Variants in AGO4 observed in about 807,000 individuals in gnomAD.
AGO4 encodes argonaute RISC component 4, also known as protein argonaute-4.
AGO4 carries 33 observed loss-of-function variants against 104.7 expected under a neutral mutation model. The ratio of observed to expected loss-of-function variants is 0.32; its 90% CI spans 0.24 to 0.42. The LOEUF is 0.42. Among genes scored for constraint, AGO4 ranks in the 10% least tolerant of loss-of-function variants. The pLI is 1.00. For synonymous variants in AGO4, 331 were observed against 364.7 expected (o/e 0.91, Z 1.05); for missense variants, 711 against 1,083.4 (o/e 0.66, Z 4.83).
At position 35,824,180 on chromosome 1, in the gene AGO4, C is replaced by T. The variant is rs191809264; in HGVS notation, c.307-1133C>T. ...GAAAAGTACTGTGTGAACATATGCT[C>T]ATAATAAATTTATCCAGACAATCTA... On this transcript the variant is annotated intron_variant, in intron 3 of 17. Transcript: ENST00000373210. Among the ~76,000 whole-genome samples the T allele has an allele frequency of 1.3e-3, 195 of 152,130 alleles. 2 individuals are homozygous for T. The highest frequency in any genetic ancestry group is 3.4e-3 in the Middle Eastern group (1 of 294).
chr1:35,822,790 A>G (rs1643914997), intron 2 of AGO4, 72 bp from the exon 3 acceptor site: 2 of 1,574,112 alleles, frequency 1.3e-6, no homozygotes, highest in Non-Finnish European at 1.7e-6. Context: ...TAAATGATTA[A>G]AGTATGATGA....
chr1:35,849,930 G>A (rs1005896691), intron 15 of AGO4, among the ~76,000 whole-genome samples: 3 of 151,906 alleles, frequency 2.0e-5, no homozygotes, highest in Admixed American at 6.6e-5. Flanking sequence ...ATTTTTGTCC[G>A]TATCCTCCTG....
At position 35,836,087 on chromosome 1, in the gene AGO4, C is replaced by A. The variant is rs1644306858; in HGVS notation, c.1724+94C>A. 8.1e-6 allele frequency: 11 copies of A among 1,352,030 alleles called. No individual in the cohort carries two copies. In the South Asian group the frequency reaches 1.4e-4, roughly 17 times the overall value. 83.8% of individuals were successfully genotyped at this position (1,352,030 alleles called of 1,614,324 possible). ...AAATATTATATATGCATCTAGATTACCTTTTCTCTTGTATATATATGCACC... is the reference window on the plus strand; with the variant it reads ...AAATATTATATATGCATCTAGATTAACTTTTCTCTTGTATATATATGCACC... On this transcript the variant is annotated intron_variant, in intron 13 of 17. Coordinates refer to ENST00000373210, the MANE Select transcript of AGO4 (RefSeq NM_017629.4).
At chr1:35,819,939 A>T (rs1643855294) in intron 2 of AGO4, among the ~76,000 whole-genome samples, 1 of 152,048 alleles carries the variant, frequency 6.6e-6, no homozygotes, top group African/African-American at 2.4e-5. Context: ...GTTGAAAGTG[A>T]GTGTGTGTGG....
In AGO4 at chr1:35,841,511, G is replaced by A. The variant is rs1644442162; in HGVS notation, c.2040+31G>A. ...CTCATTATCCCTGTTGCCCTTCGGG[G>A]CCCCTAGGAGTCTGAGGGAGATTCC... On this transcript the variant is annotated intron_variant, in intron 14 of 17. Transcript: ENST00000373210. This position sits in a 1 kb window ranked among gnomAD's most constrained non-coding sequence, Gnocchi z 4.7. The A allele has an allele frequency of 6.2e-7, 1 of 1,608,230 alleles. No homozygotes were observed. Among genetic ancestry groups the A allele is most frequent in the African/African-American group, 1.3e-5 (1 of 74,814 alleles).
At chr1:35,843,233 T>C (rs1644491953) in intron 15 of AGO4, among the ~76,000 whole-genome samples, 2 of 152,114 alleles carry the variant, frequency 1.3e-5, no homozygotes, top group African/African-American at 4.8e-5. Context: ...GCCCAGCTAA[T>C]TTTTGTATAT....
rs754274480 is a variant in AGO4 at position 35,857,316 on chromosome 1, A to C, written c.*3711A>C. On this transcript the variant is annotated 3_prime_UTR_variant, in exon 18 of 18. Transcript: ENST00000373210. ...CAAGAAGTTTTCCTTGTAAAATTAA[A>C]GGAAAGATCTTGTTATTGATTAACC... The C allele has an allele frequency of 1.3e-5, 2 of 152,242 alleles. No homozygotes were observed. The highest frequency in any genetic ancestry group is 2.9e-5 in the Non-Finnish European group (2 of 68,038). The allele number at this position is 152,242 out of a possible 1,614,324, so 9.4% of individuals were successfully genotyped here. A position where few individuals can be genotyped will look rare whatever the true frequency, so the allele number is the denominator to read the frequency against.
chr1:35,826,627 C>G, intron 6 of AGO4, 121 bp from the exon 7 acceptor site: 1 of 874,696 alleles, frequency 1.1e-6, no homozygotes, highest in Non-Finnish European at 1.8e-6. Context: ...TGAAATTGTC[C>G]CCATATTCTT....
intron 2 of AGO4, among the ~76,000 whole-genome samples, chr1:35,817,785 A>G (rs1465230707): frequency 6.6e-6 from 1 of 152,122 alleles, no homozygotes; most frequent in Non-Finnish European, 1.5e-5. Flanking sequence ...CTCATTATGG[A>G]TCAAAATTTG....
chr1:35,821,368 G>C (rs1347118920), intron 2 of AGO4, among the ~76,000 whole-genome samples: 14 of 152,162 alleles, frequency 9.2e-5, no homozygotes, highest in Admixed American at 9.2e-4. Flanking sequence ...AAATGTGTTA[G>C]CTAGTTGTGA....
At chr1:35,835,269 C>A (rs2148671643) in intron 12 of AGO4, among the ~76,000 whole-genome samples, 1 of 152,002 alleles carries the variant, frequency 6.6e-6, no homozygotes, top group African/African-American at 2.4e-5. Flanking sequence ...GTTGGCCAGG[C>A]TGGTTTTGAA....
Position 35,850,900 on chromosome 1 carries a change from G to A in AGO4, c.2324G>A (p.Cys775Tyr), listed in dbSNP as rs1221978397. Residue 775 changes from cysteine to tyrosine, a missense_variant, in exon 17 of 18, where the codon TGC becomes TAC. By Grantham distance (194) the Cys-to-Tyr change is radical. Coordinates refer to ENST00000373210, the MANE Select transcript of AGO4 (RefSeq NM_017629.4). Reference sequence around the variant, plus strand: ...TACCAGGTCTTGTGGGATGACAACTGCTTCACTGCAGATGAACTCCAGCTA... The same window carrying A: ...TACCAGGTCTTGTGGGATGACAACTACTTCACTGCAGATGAACTCCAGCTA... The part of the protein sequence containing the change: ...SHYQVLWDDN[C>Y]FTADELQLLT... 1 of 1,612,774 alleles carries A rather than the reference G, an allele frequency of 6.2e-7. No homozygotes were observed. Among genetic ancestry groups the A allele is most frequent in the South Asian group, 1.1e-5 (1 of 91,046 alleles).
In AGO4 at chr1:35,855,965, A is replaced by G. The variant is rs148747333; in HGVS notation, c.*2360A>G. ...ACGCACAGAAGAAGCATCACTTCTC[A>G]CCATCTCCTGGCATGTATGGAGCAG... On this transcript the variant is annotated 3_prime_UTR_variant, in exon 18 of 18. Transcript: ENST00000373210. 7 of 152,318 alleles carry G rather than the reference A, an allele frequency of 4.6e-5. No individual in the cohort carries two copies. Among genetic ancestry groups the G allele is most frequent in the Admixed American group, 1.3e-4 (2 of 15,304 alleles). 9.4% of individuals were successfully genotyped at this position (152,318 alleles called of 1,614,324 possible). A position where few individuals can be genotyped will look rare whatever the true frequency, so the allele number is the denominator to read the frequency against.
At position 35,841,811 on chromosome 1, in the gene AGO4, C is replaced by CATATATATATATATAT. The variant is rs5773512; in HGVS notation, c.2175+73_2175+88dup. The CATATATATATATATAT allele has an allele frequency of 2.8e-3, 1,676 of 606,110 alleles. 18 individuals carry two copies. Among genetic ancestry groups the CATATATATATATATAT allele is most frequent in the African/African-American group, 5.4e-3 (267 of 49,598 alleles). 37.5% of individuals were successfully genotyped at this position (606,110 alleles called of 1,614,324 possible). On this transcript the variant is annotated intron_variant, in intron 15 of 17. Transcript: ENST00000373210. The surrounding 1 kb of genome is among the most constrained non-coding windows in gnomAD (Gnocchi z 4.7). ...CTCTGGCAAGAGATGTATATATGCA[C>CATATATATATATATAT]ATATATATATATATATATATATATA...
intron 13 of AGO4, among the ~76,000 whole-genome samples, chr1:35,837,391 T>A: frequency 6.6e-6 from 1 of 150,950 alleles, no homozygotes. Flanking sequence ...GCCTGTTTTT[T>A]TTTTTGGGAC....
chr1:35,808,316 A>C lies in AGO4; in HGVS notation c.-101A>C. ...TCTCCGCGGCGCCACCCCAGCGCCA[A>C]TATTCCGGAGATCAAGCGTTACGCG... On this transcript the variant is annotated 5_prime_UTR_variant, in exon 1 of 18. Transcript: ENST00000373210. This position sits in a 1 kb window ranked among gnomAD's most constrained non-coding sequence, Gnocchi z 5.2. The C allele has an allele frequency of 1.4e-6, 1 of 734,808 alleles. No homozygotes were observed. Among genetic ancestry groups the C allele is most frequent in the Non-Finnish European group, 1.7e-6 (1 of 600,086 alleles). The allele number at this position is 734,808 out of a possible 1,614,324, so 45.5% of individuals were successfully genotyped here.
Position 35,827,393 on chromosome 1 carries a change from C to T in AGO4, c.848+558C>T, listed in dbSNP as rs1049010264. Among the ~76,000 whole-genome samples, 14 of 151,892 alleles carry T rather than the reference C, an allele frequency of 9.2e-5. 1 individual carries two copies. The highest frequency in any genetic ancestry group is 1.9e-4 in the Non-Finnish European group (13 of 67,980). ...AAAATTAGCCAGGCTTAGTGGCAGGCGCTTGTAATCCCAGCTGCTTGGGAG... is the reference window on the plus strand; with the variant it reads ...AAAATTAGCCAGGCTTAGTGGCAGGTGCTTGTAATCCCAGCTGCTTGGGAG... On this transcript the variant is annotated intron_variant, in intron 7 of 17. Coordinates refer to ENST00000373210, the MANE Select transcript of AGO4 (RefSeq NM_017629.4).
intron 17 of AGO4, among the ~76,000 whole-genome samples, chr1:35,852,966 G>A (rs1644737422): frequency 6.6e-6 from 1 of 152,186 alleles, no homozygotes; most frequent in Non-Finnish European, 1.5e-5. Context: ...AAGAAGTTCA[G>A]TTGGCCTGGC....
In AGO4 at chr1:35,818,666, A is replaced by AAAGGAAGG. The variant is rs796636245; in HGVS notation, c.185+1650_185+1657dup. On this transcript the variant is annotated intron_variant, in intron 2 of 17. Transcript: ENST00000373210. ...GAAAGAAAGAAAGAAAGAAAGGAAG[A>AAAGGAAGG]AAGGAAGGAAGGAAGGAAGGAAGGA... Among the ~76,000 whole-genome samples, 136 of 79,764 alleles carry AAAGGAAGG rather than the reference A, an allele frequency of 1.7e-3. 4 individuals carry two copies. Among genetic ancestry groups the AAAGGAAGG allele is most frequent in the African/African-American group, 5.4e-3 (107 of 19,736 alleles). 52.3% of individuals were successfully genotyped at this position (79,764 alleles called of 152,430 possible).
Sources: gnomAD v4.1 joint callset for allele counts (sites outside exome capture counted in the v4.1 genomes callset) on GRCh38, gnomAD v4.1.1 for gene constraint, Gnocchi (gnomAD v3.1) non-coding constraint, MANE v1.5 for transcripts, NCBI Gene and HGNC (gene_info 2026-07-23, HGNC 2026-07-21) for gene names.